Variants in CACNA2D1 observed in about 807,000 individuals in gnomAD.
The protein encoded by CACNA2D1 is voltage-dependent calcium channel subunit alpha-2/delta-1.
Under a neutral mutation model 171.5 loss-of-function variants are expected in CACNA2D1, and 53 were observed. That is an observed-to-expected ratio of 0.31 (90% CI 0.25 to 0.39). The LOEUF is 0.39. CACNA2D1 is among the 10% of genes least tolerant of loss of function. The pLI, the probability that CACNA2D1 is intolerant of heterozygous loss-of-function variation, is 1.00. For missense variants in CACNA2D1, 903 were observed against 1,299.8 expected (o/e 0.69, Z 4.69); for synonymous variants, 442 against 443.1 (o/e 1.00, Z 0.03).
chr7:82,366,939 C>T (rs1264642406), intron 1 of CACNA2D1, among the ~76,000 whole-genome samples: 1 of 90,168 alleles, frequency 1.1e-5, no homozygotes, highest in African/African-American at 3.4e-5. Context: ...CGGTGCCTTG[C>T]TCTGTCACCG....
chr7:82,343,878 C>A (rs1399703232), intron 2 of CACNA2D1, among the ~76,000 whole-genome samples: 3 of 152,174 alleles, frequency 2.0e-5, no homozygotes, highest in African/African-American at 7.2e-5. Context: ...AAATATATTT[C>A]ACTGCCAATA....
At chr7:82,097,868 C>T (rs1247555102) in intron 6 of CACNA2D1, among the ~76,000 whole-genome samples, 2 of 150,934 alleles carry the variant, frequency 1.3e-5, no homozygotes, top group South Asian at 2.1e-4. Flanking sequence ...AATCCCAACA[C>T]TTTGGGAGGC....
intron 24 of CACNA2D1, among the ~76,000 whole-genome samples, chr7:81,981,218 C>T (rs1470210965): frequency 6.6e-6 from 1 of 152,084 alleles, no homozygotes; most frequent in East Asian, 1.9e-4. Flanking sequence ...CCTTTGCAGC[C>T]TTCTTATATG....
intron 1 of CACNA2D1, among the ~76,000 whole-genome samples, chr7:82,401,415 A>C (rs1826393817): frequency 6.6e-6 from 1 of 150,556 alleles, no homozygotes; most frequent in East Asian, 2.0e-4. Context: ...AGGGACATGG[A>C]TGAAATTGGA....
chr7:82,165,171 C>T (rs553885841), intron 4 of CACNA2D1, among the ~76,000 whole-genome samples: 22 of 152,110 alleles, frequency 1.4e-4, no homozygotes, highest in Admixed American at 2.0e-4. Context: ...CTTCTACCTC[C>T]CCATTTCCTA....
At chr7:82,052,518 G>T (rs1287807318) in intron 10 of CACNA2D1, among the ~76,000 whole-genome samples, 2 of 152,060 alleles carry the variant, frequency 1.3e-5, no homozygotes, top group Non-Finnish European at 2.9e-5. Flanking sequence ...CCAGAATGTT[G>T]CATAAGAATC....
intron 10 of CACNA2D1, among the ~76,000 whole-genome samples, chr7:82,038,709 A>T (rs1177064244): frequency 6.6e-6 from 1 of 152,166 alleles, no homozygotes; most frequent in Non-Finnish European, 1.5e-5. Flanking sequence ...TTGAAATCTG[A>T]TGGTACTGTC....
chr7:82,056,894 CAT>C (rs1805970595), intron 10 of CACNA2D1, among the ~76,000 whole-genome samples: 1 of 152,154 alleles, frequency 6.6e-6, no homozygotes, highest in East Asian at 1.9e-4. Context: ...CTAAGCAACA[CAT>C]GTTATAGTAC....
intron 12 of CACNA2D1, among the ~76,000 whole-genome samples, chr7:82,022,649 A>T (rs1000474477): frequency 3.9e-5 from 6 of 151,910 alleles, no homozygotes; most frequent in African/African-American, 1.4e-4. Context: ...AACTACATAA[A>T]ACACATCTGC....
At chr7:82,087,791 A>G (rs1810652634) in intron 6 of CACNA2D1, among the ~76,000 whole-genome samples, 2 of 152,150 alleles carry the variant, frequency 1.3e-5, no homozygotes, top group Admixed American at 1.3e-4. Flanking sequence ...AGTGCCCAAC[A>G]TTTCTCCATT....
intron 4 of CACNA2D1, among the ~76,000 whole-genome samples, chr7:82,148,758 C>T (rs1001336514): frequency 6.6e-6 from 1 of 152,140 alleles, no homozygotes; most frequent in African/African-American, 2.4e-5. Flanking sequence ...CTGCCTCAGC[C>T]TCCCGAGTAG....
At chr7:82,292,848 G>A (rs1200746606) in intron 3 of CACNA2D1, among the ~76,000 whole-genome samples, 3 of 151,666 alleles carry the variant, frequency 2.0e-5, no homozygotes, top group East Asian at 3.9e-4. Flanking sequence ...ATGAATATAT[G>A]AGTAAGCATT....
intron 3 of CACNA2D1, among the ~76,000 whole-genome samples, chr7:82,227,650 T>C (rs1436173716): frequency 2.6e-5 from 4 of 152,178 alleles, no homozygotes; most frequent in Non-Finnish European, 5.9e-5. Flanking sequence ...ACTCTAGACT[T>C]GATTAAACTG....
intron 18 of CACNA2D1, among the ~76,000 whole-genome samples, chr7:82,005,085 A>T (rs1465918372): frequency 1.3e-5 from 2 of 152,164 alleles, no homozygotes; most frequent in East Asian, 3.9e-4. Context: ...ACTAATATTT[A>T]TCAGGTTCAC....
At chr7:82,310,147 T>C (rs1478848972) in intron 3 of CACNA2D1, among the ~76,000 whole-genome samples, 2 of 152,052 alleles carry the variant, frequency 1.3e-5, no homozygotes, top group Non-Finnish European at 2.9e-5. Flanking sequence ...TGAAATGGTT[T>C]TCATCTACAA....
chr7:82,172,919 G>A (rs73387993), intron 3 of CACNA2D1, among the ~76,000 whole-genome samples: 9,740 of 151,776 alleles, frequency 0.064, 655 homozygotes, highest in African/African-American at 0.17. Context: ...AGAACTCTAA[G>A]ATGTCTTTGT....
intron 3 of CACNA2D1, among the ~76,000 whole-genome samples, chr7:82,251,613 A>G (rs1805654682): frequency 1.3e-5 from 2 of 152,164 alleles, no homozygotes; most frequent in Non-Finnish European, 2.9e-5. Context: ...GAAAGGATTA[A>G]GCTGTAATGC....
intron 6 of CACNA2D1, among the ~76,000 whole-genome samples, chr7:82,094,512 G>A (rs1310957627): frequency 6.6e-6 from 1 of 152,114 alleles, no homozygotes; most frequent in African/African-American, 2.4e-5. Flanking sequence ...ACAACATAGT[G>A]AGCATGACTT....
intron 3 of CACNA2D1, among the ~76,000 whole-genome samples, chr7:82,332,052 T>C (rs1217846346): frequency 6.6e-6 from 1 of 152,170 alleles, no homozygotes; most frequent in Non-Finnish European, 1.5e-5. Context: ...TATTTTTATT[T>C]ATTTATTTAC....
Sources: gnomAD v4.1 joint callset for allele counts (sites outside exome capture counted in the v4.1 genomes callset) on GRCh38, gnomAD v4.1.1 for gene constraint, MANE v1.5 for transcripts, NCBI Gene and HGNC (gene_info 2026-07-23, HGNC 2026-07-21) for gene names.